Variants in PLCB4 observed in about 807,000 individuals in gnomAD.
The protein encoded by PLCB4 is phospholipase C beta 4.
In PLCB4, 77 loss-of-function variants were observed where a neutral mutation model predicts 178.8. The ratio of observed to expected loss-of-function variants is 0.43; its 90% CI spans 0.36 to 0.52. PLCB4 has a LOEUF of 0.52. Among genes scored for constraint, PLCB4 ranks in the 20% least tolerant of loss-of-function variants. The pLI is 0.00. For missense variants in PLCB4, 1,024 were observed against 1,453.4 expected (o/e 0.70, Z 4.80); for synonymous variants, 496 against 490.8 (o/e 1.01, Z -0.14).
At chr20:9,371,572 T>TAA (rs2036257352) in intron 10 of PLCB4, among the ~76,000 whole-genome samples, 1 of 152,180 alleles carries the variant, frequency 6.6e-6, no homozygotes, top group Admixed American at 6.5e-5. Context: ...ATGATTTTTG[T>TAA]CACCTTTCTT....
At chr20:9,425,033 C>A (rs2040899888) in intron 28 of PLCB4, among the ~76,000 whole-genome samples, 1 of 150,998 alleles carries the variant, frequency 6.6e-6, no homozygotes, top group African/African-American at 2.5e-5. Flanking sequence ...CTCCTTCCTC[C>A]TTCTCCTTTG....
intron 4 of PLCB4, among the ~76,000 whole-genome samples, chr20:9,327,959 A>G (rs1660203688): frequency 6.6e-6 from 1 of 152,176 alleles, no homozygotes; most frequent in Non-Finnish European, 1.5e-5. Context: ...AGGTTCATCT[A>G]AAACCCTAAA....
At position 9,316,747 on chromosome 20, in the gene PLCB4, G is replaced by A. The variant is rs562783151; in HGVS notation, c.84+8849G>A. Among the ~76,000 whole-genome samples the A allele has an allele frequency of 4.6e-5, 7 of 152,270 alleles. No homozygotes were observed. In the East Asian group the frequency reaches 7.7e-4, roughly 17 times the overall value. On this transcript the variant is annotated intron_variant, in intron 4 of 39. Transcript: ENST00000378473. ...ATCTGAGCACCACCTCAGTTGGCCC[G>A]AACACTGAAACAACCCAAAGCAGCA...
In PLCB4 at chr20:9,401,563, G is replaced by A. The variant is rs2039025002; in HGVS notation, c.1584G>A (p.Lys528=). The A allele has an allele frequency of 3.7e-6, 6 of 1,613,200 alleles. No homozygotes were observed. The Admixed American group carries it at 1.0e-4, about 27-fold the overall frequency. The part of the protein sequence containing the change: ...NELSADDLGH[K]EAVANSVKKA... The stretch of plus-strand genomic sequence containing the variant: ...TTTCTGCTGATGACTTGGGTCACAA[G>A]GAAGCTGTTGCAAATAGCGTCAAGA... Residue 528 remains lysine, a synonymous_variant, in exon 20 of 40, where the codon AAG becomes AAA. Transcript: ENST00000378473.
Position 9,384,376 on chromosome 20 carries a change from A to G in PLCB4, c.1029A>G (p.Val343=). 6.2e-7 allele frequency: 1 copy of G among 1,614,226 alleles called. No homozygotes were observed. The highest frequency in any genetic ancestry group is 8.5e-7 in the Non-Finnish European group (1 of 1,180,028). Residue 343 remains valine, a synonymous_variant, in exon 14 of 40, where the codon GTA becomes GTG. Coordinates refer to ENST00000378473, the MANE Select transcript of PLCB4 (RefSeq NM_001377142.1). ...GACAGTTCGGCGGGAAGTCTTCGGT[A>G]GAAATGTACAGACAGGTTCTCCTGG... is the stretch of plus-strand genomic sequence containing the variant. ...TGRQFGGKSS[V]EMYRQVLLAG...
chr20:9,221,074 T>C (rs2093792605), intron 3 of PLCB4, among the ~76,000 whole-genome samples: 2 of 151,830 alleles, frequency 1.3e-5, no homozygotes, highest in Non-Finnish European at 2.9e-5. Context: ...AAGTGGTTTA[T>C]CAAGGCAGGG....
rs141012873 is a variant in PLCB4, at chr20:9,346,626, T to TA, written c.369+7591dup. ...AGACTGAAAGTTGACATTTTCTTGTTAATTGTTTTTCTTGAAGCTCTTCTG... is the reference window on the plus strand; with the variant it reads ...AGACTGAAAGTTGACATTTTCTTGTTAAATTGTTTTTCTTGAAGCTCTTCTG... On this transcript the variant is annotated intron_variant, in intron 7 of 39. Coordinates refer to ENST00000378473, the MANE Select transcript of PLCB4 (RefSeq NM_001377142.1). Among the ~76,000 whole-genome samples, 338 of 152,304 alleles carry TA rather than the reference T, an allele frequency of 2.2e-3. 1 individual carries two copies. Among genetic ancestry groups the TA allele is most frequent in the African/African-American group, 7.8e-3 (325 of 41,582 alleles).
At chr20:9,205,351 G>T (rs1373123043) in intron 2 of PLCB4, among the ~76,000 whole-genome samples, 2 of 152,330 alleles carry the variant, frequency 1.3e-5, no homozygotes, top group East Asian at 1.9e-4. Context: ...TATGTTAAAT[G>T]TATTTTTGAC....
chr20:9,257,604 TC>T (rs2094249962), intron 3 of PLCB4, among the ~76,000 whole-genome samples: 2 of 152,282 alleles, frequency 1.3e-5, no homozygotes, highest in South Asian at 4.1e-4. Flanking sequence ...CAAAAACTAT[TC>T]CTGACTTGGC....
intron 1 of PLCB4, among the ~76,000 whole-genome samples, chr20:9,095,858 C>A (rs116096215): frequency 0.026 from 4,025 of 152,186 alleles, 178 homozygotes; most frequent in African/African-American, 0.091. Context: ...CCTACACAGC[C>A]CATCACAACC....
chr20:9,114,619 G>A (rs1237026285), intron 2 of PLCB4, among the ~76,000 whole-genome samples: 1 of 152,078 alleles, frequency 6.6e-6, no homozygotes, highest in African/African-American at 2.4e-5. Context: ...CTCAAATGTG[G>A]GATTAATCAG....
chr20:9,366,006 A>G (rs2035746822), intron 9 of PLCB4, among the ~76,000 whole-genome samples: 1 of 151,744 alleles, frequency 6.6e-6, no homozygotes, highest in African/African-American at 2.4e-5. Flanking sequence ...CGTGCTGCCT[A>G]CTCTCTACAT....
At chr20:9,390,804 C>T (rs531328476) in intron 17 of PLCB4, among the ~76,000 whole-genome samples, 189 bp downstream of exon 17, 21 of 152,294 alleles carry the variant, frequency 1.4e-4, no homozygotes, top group African/African-American at 5.1e-4. Context: ...GGTTCAATTT[C>T]ATTTGGAGGA....
chr20:9,415,956 C>A (rs2040214189), intron 25 of PLCB4, among the ~76,000 whole-genome samples: 1 of 152,204 alleles, frequency 6.6e-6, no homozygotes, highest in South Asian at 2.1e-4. Context: ...CTCTCTCAGA[C>A]CGCCTTGGAC....
intron 7 of PLCB4, among the ~76,000 whole-genome samples, chr20:9,345,167 C>T (rs943091971): frequency 2.6e-5 from 4 of 152,032 alleles, no homozygotes; most frequent in South Asian, 2.1e-4. Flanking sequence ...CCAGCCTGGG[C>T]GACAAGAGTG....
intron 21 of PLCB4, among the ~76,000 whole-genome samples, chr20:9,407,239 A>G (rs2148494972): frequency 6.6e-6 from 1 of 152,322 alleles, no homozygotes; most frequent in East Asian, 1.9e-4. Flanking sequence ...GTTCTAGTTT[A>G]AAAAGTCTTC....
chr20:9,296,181 T>A (rs188031214), intron 3 of PLCB4, among the ~76,000 whole-genome samples: 13 of 151,960 alleles, frequency 8.6e-5, no homozygotes, highest in Non-Finnish European at 1.6e-4. Flanking sequence ...AACAGCCCCA[T>A]CAAAAAGTGG....
At chr20:9,461,977 T>C (rs562014866) in intron 35 of PLCB4, among the ~76,000 whole-genome samples, 27 of 152,238 alleles carry the variant, frequency 1.8e-4, no homozygotes, top group African/African-American at 6.0e-4. Context: ...GACCCCCATG[T>C]AGCCTAACTG....
At chr20:9,372,274 G>C in intron 10 of PLCB4, 29 bp from the exon 11 acceptor site, 1 of 1,293,802 alleles carries the variant, frequency 7.7e-7, no homozygotes, top group Non-Finnish European at 1.1e-6. Flanking sequence ...ACGGTTCTGT[G>C]ATTCATAACA....
Sources: allele counts gnomAD v4.1 joint callset (sites outside exome capture counted in the v4.1 genomes callset), GRCh38; gene constraint gnomAD v4.1.1; transcripts MANE v1.5; gene names NCBI Gene and HGNC (gene_info 2026-07-23, HGNC 2026-07-21).